The following TEK variants were observed in gnomAD, a reference collection of about 807,000 sequenced individuals.
The protein encoded by TEK is angiopoietin-1 receptor.
Under a neutral mutation model 131.8 loss-of-function variants are expected in TEK, and 43 were observed. The observed-to-expected ratio is 0.33, with a 90% CI of 0.26 to 0.42. TEK has a LOEUF of 0.42. Ranked by LOEUF, TEK falls within the 10% of genes least tolerant of loss-of-function variation. The probability of loss-of-function intolerance (pLI) is 1.00; values close to 1 mark genes in which losing one functional copy is unlikely to be tolerated. For missense variants in TEK, 1,162 were observed against 1,384.4 expected (o/e 0.84, Z 2.55); for synonymous variants, 580 against 491.6 (o/e 1.18, Z -2.38).
At chr9:27,224,096 G>C (rs1587054321) in intron 21 of TEK, among the ~76,000 whole-genome samples, 1 of 152,286 alleles carries the variant, frequency 6.6e-6, no homozygotes. Flanking sequence ...CCAGTAACAA[G>C]TTCTGAAATT....
intron 1 of TEK, among the ~76,000 whole-genome samples, chr9:27,150,053 T>G (rs1823067966): frequency 6.6e-6 from 1 of 152,176 alleles, no homozygotes; most frequent in South Asian, 2.1e-4. Flanking sequence ...CCTTTCTAGC[T>G]TTTTAGCCAC....
At chr9:27,211,602 A>G (rs879530668) in intron 16 of TEK, among the ~76,000 whole-genome samples, 5 of 152,038 alleles carry the variant, frequency 3.3e-5, no homozygotes, top group Non-Finnish European at 5.9e-5. Flanking sequence ...CTGGGACTAC[A>G]GGGATGCACC....
intron 17 of TEK, 87 bp downstream of exon 17, chr9:27,212,984 C>A (rs1825690580): frequency 1.4e-6 from 2 of 1,405,294 alleles, no homozygotes; most frequent in Admixed American, 3.8e-5. Context: ...GTCTGTCAAC[C>A]TCTCTTCTTT....
intron 2 of TEK, among the ~76,000 whole-genome samples, chr9:27,160,001 CT>C (rs1157425132): frequency 1.5e-5 from 2 of 131,228 alleles, no homozygotes; most frequent in African/African-American, 5.7e-5. Context: ...ACATTGTCAG[CT>C]GTTTAGGGTT....
chr9:27,179,384 GTTA>G (rs1564079542), intron 6 of TEK, among the ~76,000 whole-genome samples: 2 of 152,106 alleles, frequency 1.3e-5, no homozygotes, highest in East Asian at 3.8e-4. Flanking sequence ...ACTGAGCATA[GTTA>G]TTATAGTTGT....
intron 2 of TEK, among the ~76,000 whole-genome samples, chr9:27,160,896 A>T (rs984835888): frequency 1.3e-5 from 2 of 152,190 alleles, no homozygotes; most frequent in African/African-American, 4.8e-5. Context: ...AGTCAGCTCT[A>T]TTATTTTTCA....
intron 14 of TEK, 44 bp from the exon 15 acceptor site, chr9:27,206,538 A>T (rs756594845): frequency 6.3e-7 from 1 of 1,585,244 alleles, no homozygotes; most frequent in Non-Finnish European, 8.6e-7. Context: ...CCTTAGAATT[A>T]TGAAAAATCC....
Position 27,190,836 on chromosome 9 carries a change from A to G in TEK, c.1489+146A>G, listed in dbSNP as rs1824791217. 6.4e-6 allele frequency: 8 copies of G among 1,240,424 alleles called. No homozygotes were observed. In the East Asian group the frequency reaches 1.7e-4, roughly 27 times the overall value. 76.8% of individuals were successfully genotyped at this position (1,240,424 alleles called of 1,614,324 possible). A position where few individuals can be genotyped will look rare whatever the true frequency, so the allele number is the denominator to read the frequency against. ...CAGAGGATTCTGTTTCAGAGTATTC[A>G]AGAGAGAGTGCAGGGGGCCCCTGAG... On this transcript the variant is annotated intron_variant, in intron 10 of 22. Coordinates refer to ENST00000380036, the MANE Select transcript of TEK (RefSeq NM_000459.5).
chr9:27,194,864 G>A (rs913119140), intron 11 of TEK, among the ~76,000 whole-genome samples: 2 of 152,078 alleles, frequency 1.3e-5, no homozygotes, highest in African/African-American at 4.8e-5. Flanking sequence ...GATGGTGAAG[G>A]CCAGGGAGTC....
intron 6 of TEK, among the ~76,000 whole-genome samples, chr9:27,173,744 T>C (rs796115608): frequency 8.7e-6 from 1 of 114,918 alleles, no homozygotes; most frequent in Admixed American, 1.0e-4. Context: ...TTGGTTTTTT[T>C]TTTTTTTTTT....
chr9:27,149,930 C>A (rs1377696310), intron 1 of TEK, among the ~76,000 whole-genome samples: 1 of 152,160 alleles, frequency 6.6e-6, no homozygotes, highest in Admixed American at 6.5e-5. Flanking sequence ...GAGCATCCCA[C>A]TCCTGAGACA....
Position 27,183,571 on chromosome 9 carries a change from AG to A in TEK, c.1144del (p.Glu382LysfsTer2). On this transcript the variant is annotated frameshift_variant, in exon 8 of 23. Coordinates refer to ENST00000380036, the MANE Select transcript of TEK (RefSeq NM_000459.5). LOFTEE classifies it high-confidence loss of function. ...CTGGCTGGCCGCTACCTACTAATGAAGAAATGACCCTGGTGAAGCCGGATGG... is the reference window on the plus strand; with the variant it reads ...CTGGCTGGCCGCTACCTACTAATGAAAAATGACCCTGGTGAAGCCGGATGG... ...ASGWPLPTNE[E>X]MTLVKPDGTV... The A allele has an allele frequency of 6.2e-7, 1 of 1,613,956 alleles. No individual in the cohort carries two copies. The highest frequency in any genetic ancestry group is 8.5e-7 in the Non-Finnish European group (1 of 1,179,852).
chr9:27,140,278 G>C (rs1047220596), intron 1 of TEK, among the ~76,000 whole-genome samples: 3 of 151,662 alleles, frequency 2.0e-5, no homozygotes, highest in African/African-American at 4.8e-5. Flanking sequence ...TCTCTCATAC[G>C]CTCACCATGT....
chr9:27,144,189 T>G (rs551710194), intron 1 of TEK, among the ~76,000 whole-genome samples: 19 of 151,790 alleles, frequency 1.3e-4, no homozygotes, highest in Middle Eastern at 3.4e-3. Context: ...GGCTGAGGCA[T>G]GAGAATCGCT....
chr9:27,175,581 T>C (rs1434328539), intron 6 of TEK, among the ~76,000 whole-genome samples: 1 of 151,374 alleles, frequency 6.6e-6, no homozygotes, highest in Non-Finnish European at 1.5e-5. Context: ...CCACAATGGT[T>C]GAACTAGTTT....
At chr9:27,218,601 C>A (rs1218054979) in intron 19 of TEK, among the ~76,000 whole-genome samples, 176 bp from the exon 20 acceptor site, 1 of 152,082 alleles carries the variant, frequency 6.6e-6, no homozygotes, top group East Asian at 1.9e-4. Context: ...TTGTTGTAAC[C>A]CTTCCATTGA....
At chr9:27,187,707 A>G (rs1587570013) in intron 9 of TEK, among the ~76,000 whole-genome samples, 1 of 152,248 alleles carries the variant, frequency 6.6e-6, no homozygotes, top group South Asian at 2.1e-4. Context: ...TCCAAGATGA[A>G]GGCATCAGCA....
chr9:27,201,608 T>C (rs1196505221), intron 12 of TEK, among the ~76,000 whole-genome samples: 1 of 152,172 alleles, frequency 6.6e-6, no homozygotes, highest in Non-Finnish European at 1.5e-5. Context: ...CAATCAGATT[T>C]GGAAGGTTCT....
chr9:27,169,760 C>T (rs771967628), intron 4 of TEK, 131 bp downstream of exon 4: 26 of 1,266,332 alleles, frequency 2.1e-5, no homozygotes, highest in Non-Finnish European at 2.5e-5. Flanking sequence ...TTGTATTAGT[C>T]TGTTCTTATG....
Sources: gnomAD v4.1 joint callset for allele counts (sites outside exome capture counted in the v4.1 genomes callset) on GRCh38, gnomAD v4.1.1 for gene constraint, MANE v1.5 for transcripts, NCBI Gene and HGNC (gene_info 2026-07-23, HGNC 2026-07-21) for gene names.